KALRN: variants seen among roughly 807,000 people sequenced by gnomAD.
KALRN encodes the protein kalirin RhoGEF kinase.
A neutral mutation model predicts 353.7 loss-of-function variants in KALRN; 70 were observed. That is an observed-to-expected ratio of 0.20 (90% confidence interval 0.16 to 0.24). The LOEUF (loss-of-function observed/expected upper bound fraction) is 0.24, where lower values mean the gene tolerates loss of function less well. Among genes scored for constraint, KALRN ranks in the 10% least tolerant of loss-of-function variants. The probability of loss-of-function intolerance (pLI) is 1.00; values close to 1 mark genes in which losing one functional copy is unlikely to be tolerated. For synonymous variants in KALRN, 1,391 were observed against 1,434.8 expected, an observed-to-expected ratio of 0.97 and a Z score of 0.69; for missense variants, 2,791 against 3,756.7, an observed-to-expected ratio of 0.74 and a Z score of 6.72.
At chr3:124,128,426 C>G (rs1560025186) in intron 1 of KALRN, among the ~76,000 whole-genome samples, 1 of 152,096 alleles carries the variant, frequency 6.6e-6, no homozygotes, top group East Asian at 1.9e-4. Flanking sequence ...ATTGAGATAG[C>G]AAACACAGAA....
chr3:124,154,152 T>G (rs1239957699), intron 1 of KALRN, among the ~76,000 whole-genome samples: 2 of 152,226 alleles, frequency 1.3e-5, no homozygotes, highest in Non-Finnish European at 2.9e-5. Flanking sequence ...TTTTGGCTTT[T>G]GTTGCCATTG....
At chr3:124,587,698 C>CTT (rs529810541) in intron 34 of KALRN, among the ~76,000 whole-genome samples, 1,288 of 75,862 alleles carry the variant, frequency 0.017, 199 homozygotes, top group African/African-American at 0.06. Flanking sequence ...CCACCCTCCA[C>CTT]TTTTTTTTTT....
intron 14 of KALRN, among the ~76,000 whole-genome samples, chr3:124,420,281 G>C (rs912919730): frequency 1.7e-4 from 26 of 152,204 alleles, no homozygotes; most frequent in African/African-American, 6.0e-4. Flanking sequence ...ATGTGGTGTG[G>C]CAGAGGTGAG....
Position 124,415,885 on chromosome 3 carries a change from C to CA in KALRN, c.2542+2224dup, listed in dbSNP as rs1380280333. Reference sequence around the variant, plus strand: ...TTGTGAATCTGAATGTAGATGTTAACAAAATCTCCAGGTAAATGGTGTGTA... The same window carrying CA: ...TTGTGAATCTGAATGTAGATGTTAACAAAAATCTCCAGGTAAATGGTGTGTA... On this transcript the variant is annotated intron_variant, in intron 14 of 59. Coordinates refer to ENST00000682506, the MANE Select transcript of KALRN (RefSeq NM_001388419.1). Among the ~76,000 whole-genome samples the CA allele has an allele frequency of 3.9e-5, 6 of 152,290 alleles. No individual in the cohort carries two copies. In the East Asian group the frequency reaches 1.2e-3, roughly 29 times the overall value.
intron 34 of KALRN, among the ~76,000 whole-genome samples, chr3:124,588,565 C>T (rs1269289573): frequency 2.0e-5 from 3 of 152,168 alleles, no homozygotes; most frequent in African/African-American, 7.2e-5. Context: ...GCTGGGACTA[C>T]AGGCGTGCAC....
In KALRN at chr3:124,442,906, C is replaced by T. The variant is rs1174518748; in HGVS notation, c.3313+847C>T. Among the ~76,000 whole-genome samples, 3 of 152,062 alleles carry T rather than the reference C, an allele frequency of 2.0e-5. No individual in the cohort carries two copies. The East Asian group carries it at 5.8e-4, about 30-fold the overall frequency. ...GCCGAGATGGAAGGCTCATTTGAGC[C>T]CAAGAGCTGGAGGCTGCAGTGAGCC... On this transcript the variant is annotated intron_variant, in intron 19 of 59. Coordinates refer to ENST00000682506, the MANE Select transcript of KALRN (RefSeq NM_001388419.1).
chr3:124,661,020 G>T (rs1381697681), intron 44 of KALRN, 47 bp downstream of exon 44: 1 of 1,390,464 alleles, frequency 7.2e-7, no homozygotes, highest in Non-Finnish European at 1.0e-6. Flanking sequence ...GACCATATTG[G>T]ATATCTTTCT....
intron 1 of KALRN, among the ~76,000 whole-genome samples, chr3:124,120,052 C>T (rs775933669): frequency 4.6e-5 from 7 of 152,300 alleles, no homozygotes; most frequent in Admixed American, 6.5e-5. Context: ...AGCCCCAGTT[C>T]ACTGACTTTC....
At chr3:124,087,196 T>C (rs1247853255) in intron 1 of KALRN, among the ~76,000 whole-genome samples, 1 of 152,214 alleles carries the variant, frequency 6.6e-6, no homozygotes, top group Admixed American at 6.5e-5. Context: ...CATATTATAA[T>C]AGGCTTTAAA....
intron 1 of KALRN, among the ~76,000 whole-genome samples, chr3:124,199,889 C>A (rs1204896800): frequency 6.6e-6 from 1 of 152,170 alleles, no homozygotes; most frequent in Non-Finnish European, 1.5e-5. Context: ...TTTTTTAGTA[C>A]CTCTTGTGGG....
chr3:124,439,200 T>TCACACACACACACA (rs376221553), intron 18 of KALRN, among the ~76,000 whole-genome samples, 163 bp downstream of exon 18: 31 of 98,940 alleles, frequency 3.1e-4, no homozygotes, highest in African/African-American at 9.9e-4. Context: ...TCTCTCTCTC[T>TCACACACACACACA]CACACACACA....
chr3:124,406,106 TG>T (rs1364840620), intron 13 of KALRN, among the ~76,000 whole-genome samples: 2 of 152,264 alleles, frequency 1.3e-5, no homozygotes, highest in African/African-American at 4.8e-5. Context: ...CACATTATTT[TG>T]CCAAAAATTA....
intron 1 of KALRN, among the ~76,000 whole-genome samples, chr3:124,151,701 TTTA>T (rs2068128823): frequency 6.6e-6 from 1 of 152,234 alleles, no homozygotes; most frequent in Non-Finnish European, 1.5e-5. Context: ...TGTTATTAAC[TTTA>T]TTGTGGTCCA....
intron 22 of KALRN, among the ~76,000 whole-genome samples, chr3:124,456,159 G>T (rs1175814100): frequency 1.3e-5 from 2 of 152,090 alleles, no homozygotes; most frequent in Non-Finnish European, 2.9e-5. Flanking sequence ...CTGTTTCCAA[G>T]GGAAATTTCT....
chr3:124,653,171 G>A (rs2083607578), intron 38 of KALRN, among the ~76,000 whole-genome samples: 1 of 152,202 alleles, frequency 6.6e-6, no homozygotes. Context: ...TAAACCATAT[G>A]TGAGGCCAGA....
chr3:124,494,480 A>G (rs1371097491), intron 32 of KALRN, among the ~76,000 whole-genome samples: 3 of 152,256 alleles, frequency 2.0e-5, no homozygotes, highest in Admixed American at 6.5e-5. Context: ...GCTGGCCCAG[A>G]TAATCCAAAA....
chr3:124,196,722 T>C (rs1233089985), intron 1 of KALRN, among the ~76,000 whole-genome samples: 2 of 152,214 alleles, frequency 1.3e-5, no homozygotes, highest in Non-Finnish European at 2.9e-5. Context: ...TGAACATCTT[T>C]CAATGTTGTT....
In KALRN at chr3:124,291,667, A is replaced by G. The variant is rs76261571; in HGVS notation, c.970-7124A>G. Among the ~76,000 whole-genome samples, 89 of 152,324 alleles carry G rather than the reference A, an allele frequency of 5.8e-4. No homozygotes were observed. In the East Asian group the frequency reaches 0.016, roughly 28 times the overall value. ...AGAAATGAGTTAGGGGATCCGTAGCATGTTTACAGATCAGAGACGTGGCCT... is the reference window on the plus strand; with the variant it reads ...AGAAATGAGTTAGGGGATCCGTAGCGTGTTTACAGATCAGAGACGTGGCCT... On this transcript the variant is annotated intron_variant, in intron 5 of 59. Coordinates refer to ENST00000682506, the MANE Select transcript of KALRN (RefSeq NM_001388419.1).
intron 45 of KALRN, among the ~76,000 whole-genome samples, chr3:124,663,496 A>G (rs951267628): frequency 2.0e-5 from 3 of 152,238 alleles, no homozygotes; most frequent in Admixed American, 6.5e-5. Flanking sequence ...TAAACTTAAT[A>G]ACTGACTGTT....
Sources: allele counts gnomAD v4.1 joint callset (sites outside exome capture counted in the v4.1 genomes callset), GRCh38; gene constraint gnomAD v4.1.1; transcripts MANE v1.5; gene names NCBI Gene and HGNC (gene_info 2026-07-23, HGNC 2026-07-21).